The following MEIKIN variants were observed in gnomAD, a reference collection of about 807,000 sequenced individuals.
MEIKIN encodes meiotic kinetochore factor, also known as meiosis-specific kinetochore protein.
intron 9 of MEIKIN, among the ~76,000 whole-genome samples, chr5:131,873,865 G>T (rs1358003868): frequency 6.6e-6 from 1 of 152,172 alleles, no homozygotes; most frequent in Non-Finnish European, 1.5e-5. Context: ...CAACTGCATG[G>T]AAACTGAACA....
chr5:131,859,033 T>C (rs1348249990), intron 9 of MEIKIN, among the ~76,000 whole-genome samples: 1 of 152,178 alleles, frequency 6.6e-6, no homozygotes, highest in Non-Finnish European at 1.5e-5. Context: ...CTCAAAGAAC[T>C]CAACGCAGAA....
At chr5:131,892,882 G>C (rs549485703) in intron 8 of MEIKIN, among the ~76,000 whole-genome samples, 3 of 152,274 alleles carry the variant, frequency 2.0e-5, no homozygotes, top group Admixed American at 2.0e-4. Context: ...GTGACGTACA[G>C]ATGGGTTTTT....
intron 8 of MEIKIN, among the ~76,000 whole-genome samples, chr5:131,901,260 C>T (rs190277872): frequency 2.0e-5 from 3 of 152,194 alleles, no homozygotes; most frequent in Non-Finnish European, 2.9e-5. Context: ...ATAGGGAGAC[C>T]GGCAGACCTT....
At chr5:131,860,994 C>T (rs988737806) in intron 9 of MEIKIN, among the ~76,000 whole-genome samples, 3 of 151,268 alleles carry the variant, frequency 2.0e-5, no homozygotes, top group Non-Finnish European at 4.4e-5. Context: ...AACTCTTGGC[C>T]TCAAGTGATT....
intron 11 of MEIKIN, among the ~76,000 whole-genome samples, chr5:131,838,520 G>A (rs778699395): frequency 6.6e-6 from 1 of 151,640 alleles, no homozygotes; most frequent in African/African-American, 2.4e-5. Flanking sequence ...TACTTATTCA[G>A]GAAATCATTA....
At chr5:131,928,988 G>C (rs192271682) in intron 5 of MEIKIN, among the ~76,000 whole-genome samples, 13 of 152,270 alleles carry the variant, frequency 8.5e-5, no homozygotes, top group Non-Finnish European at 1.5e-4. Context: ...TGTTAGGCAG[G>C]TCTAGTCATG....
intron 11 of MEIKIN, among the ~76,000 whole-genome samples, chr5:131,835,430 T>C (rs1259122554): frequency 6.6e-6 from 1 of 152,184 alleles, no homozygotes; most frequent in African/African-American, 2.4e-5. Context: ...ATCCAAGAAA[T>C]CACTGCTAAG....
intron 11 of MEIKIN, among the ~76,000 whole-genome samples, chr5:131,841,518 T>C (rs1749914235): frequency 6.6e-6 from 1 of 152,198 alleles, no homozygotes; most frequent in Admixed American, 6.5e-5. Flanking sequence ...AGCTTGAAAT[T>C]AGGAGGTGTG....
intron 8 of MEIKIN, among the ~76,000 whole-genome samples, chr5:131,906,801 TGG>T (rs1362657650): frequency 6.6e-6 from 1 of 152,042 alleles, no homozygotes; most frequent in Non-Finnish European, 1.5e-5. Flanking sequence ...CACTTATAAG[TGG>T]GACCTAAACA....
intron 5 of MEIKIN, among the ~76,000 whole-genome samples, chr5:131,926,302 T>C (rs1751586211): frequency 6.6e-6 from 1 of 152,254 alleles, no homozygotes; most frequent in Non-Finnish European, 1.5e-5. Context: ...ATCGTGTAAT[T>C]GTTACCCTTC....
chr5:131,868,960 A>C (rs1750437208), intron 9 of MEIKIN, among the ~76,000 whole-genome samples: 1 of 152,220 alleles, frequency 6.6e-6, no homozygotes. Flanking sequence ...TGTCCTTCAT[A>C]CAGCAAAAGT....
At chr5:131,926,499 T>C (rs935777289) in intron 5 of MEIKIN, among the ~76,000 whole-genome samples, 2 of 152,230 alleles carry the variant, frequency 1.3e-5, no homozygotes, top group African/African-American at 4.8e-5. Context: ...ACAGTTGTCT[T>C]TGCTTGTAGT....
intron 8 of MEIKIN, among the ~76,000 whole-genome samples, chr5:131,881,703 G>T (rs758251061): frequency 1.3e-5 from 2 of 151,806 alleles, no homozygotes; most frequent in Non-Finnish European, 2.9e-5. Flanking sequence ...TCACAATCTT[G>T]GTATATATGT....
At chr5:131,832,425 C>T (rs1394877059) in intron 11 of MEIKIN, among the ~76,000 whole-genome samples, 2 of 152,204 alleles carry the variant, frequency 1.3e-5, no homozygotes, top group Non-Finnish European at 2.9e-5. Context: ...TACAACCTCC[C>T]TCCTGGATGC....
chr5:131,927,188 G>A lies in MEIKIN; in HGVS notation c.479-5247C>T, dbSNP rs566208924. ...GTTTTAATATATTGTGCTTTCATCC[G>A]AAGATATTTTCTAATTTCCCTTTTG... On this transcript the variant is annotated intron_variant, in intron 5 of 12. Coordinates refer to ENST00000442687, the MANE Select transcript of MEIKIN (RefSeq NM_001303622.2). Among the ~76,000 whole-genome samples the A allele has an allele frequency of 4.0e-5, 6 of 149,708 alleles. No homozygotes were observed. In the East Asian group the frequency reaches 8.0e-4, roughly 20 times the overall value.
chr5:131,836,659 CT>C (rs991650143), intron 11 of MEIKIN, among the ~76,000 whole-genome samples: 15 of 149,640 alleles, frequency 1.0e-4, no homozygotes, highest in African/African-American at 2.7e-4. Context: ...TGATGTTGAG[CT>C]TTTTTTTTAT....
intron 8 of MEIKIN, among the ~76,000 whole-genome samples, chr5:131,885,424 A>G (rs1253800174): frequency 2.7e-5 from 2 of 75,204 alleles, no homozygotes; most frequent in Non-Finnish European, 2.8e-5. Flanking sequence ...AGAGAGAGAG[A>G]TTGAGATTGA....
At chr5:131,858,562 C>CA (rs1750233963) in intron 9 of MEIKIN, among the ~76,000 whole-genome samples, 1 of 152,126 alleles carries the variant, frequency 6.6e-6, no homozygotes, top group African/African-American at 2.4e-5. Flanking sequence ...GCAAATGCAA[C>CA]AAAAACAAAA....
At chr5:131,814,612 GAAGAA>G (rs1255323307) in intron 12 of MEIKIN, among the ~76,000 whole-genome samples, 1 of 152,158 alleles carries the variant, frequency 6.6e-6, no homozygotes, top group African/African-American at 2.4e-5. Flanking sequence ...AAAAAGAAAA[GAAGAA>G]AAGAAAAGAA....
Sources: gnomAD v4.1 joint callset for allele counts (sites outside exome capture counted in the v4.1 genomes callset) on GRCh38, gnomAD v4.1.1 for gene constraint, MANE v1.5 for transcripts, NCBI Gene and HGNC (gene_info 2026-07-23, HGNC 2026-07-21) for gene names.